The following PDE4D variants were observed in gnomAD, a reference collection of about 807,000 sequenced individuals.
PDE4D encodes the protein phosphodiesterase 4D.
PDE4D carries 24 observed loss-of-function variants against 87.4 expected under a neutral mutation model. That is an observed-to-expected ratio of 0.27 (90% confidence interval 0.20 to 0.39). The LOEUF is 0.39. PDE4D is among the 10% of genes least tolerant of loss of function. PDE4D has a pLI of 1.00. For missense variants in PDE4D, 714 were observed against 1,041.0 expected (o/e 0.69, Z 4.32); for synonymous variants, 384 against 383.2 (o/e 1.00, Z -0.02).
chr5:59,180,510 G>T, intron 5 of PDE4D, 85 bp downstream of exon 5: 2 of 1,012,900 alleles, frequency 2.0e-6, no homozygotes, highest in South Asian at 2.7e-5. Context: ...ATTGCAGCAT[G>T]AAATTGGTGT....
chr5:59,635,670 C>G (rs1832148901), intron 1 of PDE4D, among the ~76,000 whole-genome samples: 1 of 152,134 alleles, frequency 6.6e-6, no homozygotes, highest in South Asian at 2.1e-4. Flanking sequence ...GCAGAAAAGG[C>G]CTTCGATAAA....
At chr5:59,521,411 G>A (rs1007870768) in intron 1 of PDE4D, among the ~76,000 whole-genome samples, 2 of 152,150 alleles carry the variant, frequency 1.3e-5, no homozygotes, top group Non-Finnish European at 2.9e-5. Flanking sequence ...GTATGGAAGG[G>A]AGACAAAGTC....
chr5:59,397,132 G>A (rs1159604818), intron 1 of PDE4D, among the ~76,000 whole-genome samples: 2 of 122,728 alleles, frequency 1.6e-5, no homozygotes, highest in Admixed American at 1.6e-4. Flanking sequence ...TTAATAATGG[G>A]AGACTTTAAC....
intron 1 of PDE4D, among the ~76,000 whole-genome samples, chr5:60,394,889 G>C (rs1032122991): frequency 6.6e-6 from 1 of 152,088 alleles, no homozygotes; most frequent in Non-Finnish European, 1.5e-5. Context: ...TCTTGCTCCG[G>C]TACAAACATT....
intron 1 of PDE4D, among the ~76,000 whole-genome samples, chr5:59,594,503 T>C (rs1336458376): frequency 4.0e-5 from 6 of 151,884 alleles, no homozygotes; most frequent in Non-Finnish European, 8.8e-5. Context: ...GTGTTTTCAG[T>C]AGAGATGAGG....
chr5:60,162,258 T>G (rs1026205268), intron 2 of PDE4D, among the ~76,000 whole-genome samples: 1 of 152,138 alleles, frequency 6.6e-6, no homozygotes, highest in African/African-American at 2.4e-5. Flanking sequence ...GTGGGTAAAA[T>G]TGTTAATGCT....
intron 1 of PDE4D, among the ~76,000 whole-genome samples, chr5:59,403,129 A>ATAGGTAGGTAGATAGGTAGGTAGG (rs1554161982): frequency 1.4e-5 from 2 of 146,492 alleles, no homozygotes; most frequent in African/African-American, 5.1e-5. Context: ...TTGGTACATA[A>ATAGGTAGGTAGATAGGTAGGTAGG]TAGGTAGGTA....
intron 2 of PDE4D, among the ~76,000 whole-genome samples, chr5:60,091,791 G>A (rs575078252): frequency 2.0e-5 from 3 of 152,084 alleles, no homozygotes; most frequent in African/African-American, 4.8e-5. Flanking sequence ...GGTGGCTCAC[G>A]CCTGTAATCC....
At chr5:59,188,742 G>A (rs1388399689) in intron 3 of PDE4D, among the ~76,000 whole-genome samples, 3 of 152,086 alleles carry the variant, frequency 2.0e-5, no homozygotes, top group Non-Finnish European at 4.4e-5. Context: ...GTCAAGTTAT[G>A]CTTATTTACA....
Position 59,139,639 on chromosome 5 carries a change from A to T in PDE4D, c.808+40956T>A, listed in dbSNP as rs372808475. Reference sequence around the variant, plus strand: ...AACCTACTGCCATGCCAATTTTTTTATTTTTTTTATTTTTATTTTTGGTAG... The same window carrying T: ...AACCTACTGCCATGCCAATTTTTTTTTTTTTTTTATTTTTATTTTTGGTAG... On this transcript the variant is annotated intron_variant, in intron 5 of 14. Transcript: ENST00000340635. 2.8e-4 allele frequency among the ~76,000 whole-genome samples: 40 copies of T among 141,416 alleles called. 1 individual carries two copies. Among genetic ancestry groups the T allele is most frequent in the African/African-American group, 1.2e-3 (39 of 31,748 alleles). 92.8% of individuals were successfully genotyped at this position (141,416 alleles called of 152,430 possible).
At chr5:59,958,922 T>A (rs906360483) in intron 3 of PDE4D, among the ~76,000 whole-genome samples, 30 of 152,192 alleles carry the variant, frequency 2.0e-4, no homozygotes, top group Admixed American at 6.5e-4. Context: ...GCTGACGATG[T>A]GATCCTTTAC....
chr5:60,351,062 G>A (rs931697747), intron 1 of PDE4D, among the ~76,000 whole-genome samples: 1 of 152,190 alleles, frequency 6.6e-6, no homozygotes, highest in Non-Finnish European at 1.5e-5. Context: ...CATGTGCTCA[G>A]GCATTTTTGG....
chr5:59,102,054 C>G (rs1202017865), intron 5 of PDE4D, among the ~76,000 whole-genome samples: 2 of 150,962 alleles, frequency 1.3e-5, no homozygotes, highest in Non-Finnish European at 3.0e-5. Context: ...ATTTGCAGTA[C>G]CTCTGAAACT....
intron 1 of PDE4D, among the ~76,000 whole-genome samples, chr5:59,311,290 G>T (rs1402344712): frequency 1.3e-5 from 2 of 151,760 alleles, no homozygotes; most frequent in African/African-American, 4.8e-5. Context: ...ACTTTATGAG[G>T]CCAAGGCGGG....
chr5:60,417,116 C>A (rs930571536), intron 1 of PDE4D, among the ~76,000 whole-genome samples: 6 of 152,190 alleles, frequency 3.9e-5, no homozygotes, highest in Admixed American at 3.9e-4. Context: ...GGTGTTTGGG[C>A]AACCAGATTT....
intron 1 of PDE4D, among the ~76,000 whole-genome samples, chr5:60,284,570 C>T (rs1487112692): frequency 3.3e-5 from 5 of 152,136 alleles, no homozygotes; most frequent in Non-Finnish European, 5.9e-5. Context: ...TGTACTCTGC[C>T]ATGAGCTGCA....
At chr5:59,769,238 AG>A (rs954251626) in intron 1 of PDE4D, among the ~76,000 whole-genome samples, 1 of 152,160 alleles carries the variant, frequency 6.6e-6, no homozygotes, top group African/African-American at 2.4e-5. Context: ...AACAAACAAA[AG>A]GTTTCAAAAT....
intron 2 of PDE4D, among the ~76,000 whole-genome samples, chr5:60,044,978 C>T (rs1277589728): frequency 6.6e-6 from 1 of 152,204 alleles, no homozygotes; most frequent in East Asian, 1.9e-4. Context: ...TACAGTCCCA[C>T]CAACAGTGTG....
intron 1 of PDE4D, among the ~76,000 whole-genome samples, chr5:60,456,005 T>C (rs1265153323): frequency 5.3e-5 from 8 of 152,190 alleles, no homozygotes; most frequent in Admixed American, 3.9e-4. Flanking sequence ...AGTTCTTTTC[T>C]GCAGTGAGGG....
Sources: gnomAD v4.1 joint callset for allele counts (sites outside exome capture counted in the v4.1 genomes callset) on GRCh38, gnomAD v4.1.1 for gene constraint, MANE v1.5 for transcripts, NCBI Gene and HGNC (gene_info 2026-07-23, HGNC 2026-07-21) for gene names.